DGKB: variants seen among roughly 807,000 people sequenced by gnomAD.
The protein encoded by DGKB is 90 kDa diacylglycerol kinase.
Under a neutral mutation model 114.3 loss-of-function variants are expected in DGKB, and 67 were observed. The ratio of observed to expected loss-of-function variants is 0.59; its 90% confidence interval spans 0.48 to 0.72. The LOEUF is 0.72. DGKB is among the 30% of genes least tolerant of loss of function. The pLI is 0.00. For missense variants in DGKB, 907 were observed against 975.2 expected (o/e 0.93, Z 0.93); for synonymous variants, 398 against 323.1 (o/e 1.23, Z -2.49).
intron 20 of DGKB, among the ~76,000 whole-genome samples, chr7:14,512,294 T>C (rs1181552703): frequency 6.6e-6 from 1 of 152,168 alleles, no homozygotes; most frequent in Non-Finnish European, 1.5e-5. Flanking sequence ...ATCCACGTTA[T>C]TTTTACCTTC....
intron 17 of DGKB, among the ~76,000 whole-genome samples, chr7:14,587,577 C>T (rs1243196032): frequency 6.6e-6 from 1 of 152,098 alleles, no homozygotes; most frequent in African/African-American, 2.4e-5. Flanking sequence ...CAAACAGCAT[C>T]ACATGCTAGA....
chr7:14,850,940 C>G (rs966689602), intron 1 of DGKB, among the ~76,000 whole-genome samples: 1 of 152,142 alleles, frequency 6.6e-6, no homozygotes, highest in African/African-American at 2.4e-5. Context: ...TCTATCTGAG[C>G]CTCACTTTCC....
At chr7:14,227,355 G>A (rs1790966259) in intron 23 of DGKB, among the ~76,000 whole-genome samples, 1 of 152,042 alleles carries the variant, frequency 6.6e-6, no homozygotes, top group Non-Finnish European at 1.5e-5. Context: ...AATGACTATA[G>A]TGGCTAATGT....
intron 20 of DGKB, among the ~76,000 whole-genome samples, chr7:14,532,261 CA>C (rs2128596014): frequency 7.0e-6 from 1 of 143,174 alleles, no homozygotes; most frequent in South Asian, 2.2e-4. Flanking sequence ...AAAAAAAAGA[CA>C]AAATGGTAGA....
chr7:14,954,757 A>G (rs933991296), intron 1 of DGKB, among the ~76,000 whole-genome samples: 1 of 152,116 alleles, frequency 6.6e-6, no homozygotes, highest in Admixed American at 6.6e-5. Context: ...GTGATAAAAT[A>G]TATAAAATTG....
At chr7:14,678,240 C>T (rs778601915) in intron 12 of DGKB, among the ~76,000 whole-genome samples, 7 of 151,960 alleles carry the variant, frequency 4.6e-5, no homozygotes, top group Non-Finnish European at 1.0e-4. Context: ...GCAACAGGAG[C>T]GGGCCACAGT....
intron 23 of DGKB, among the ~76,000 whole-genome samples, chr7:14,323,726 T>A (rs1808232624): frequency 6.6e-6 from 1 of 152,140 alleles, no homozygotes; most frequent in South Asian, 2.1e-4. Context: ...TGGGCTTGAG[T>A]AGAGTGAGAA....
intron 23 of DGKB, among the ~76,000 whole-genome samples, chr7:14,276,398 A>T (rs1317361462): frequency 2.0e-5 from 3 of 152,228 alleles, no homozygotes; most frequent in African/African-American, 7.2e-5. Context: ...ATATGAATTA[A>T]ATCAATTACA....
Position 14,741,471 on chromosome 7 carries a change from C to T in DGKB, c.169-5277G>A, listed in dbSNP as rs142768491. Among the ~76,000 whole-genome samples the T allele has an allele frequency of 2.6e-5, 4 of 152,318 alleles. No homozygotes were observed. The East Asian group carries it at 7.7e-4, about 29-fold the overall frequency. ...TAAGGACCTAGGACCCCATAGCCCA[C>T]TATTCAAGTCAGCCTGGCAAACTGC... On this transcript the variant is annotated intron_variant, in intron 4 of 25. Transcript: ENST00000402815.
intron 2 of DGKB, among the ~76,000 whole-genome samples, chr7:14,821,775 C>T (rs542374603): frequency 2.6e-5 from 4 of 152,252 alleles, no homozygotes; most frequent in African/African-American, 9.6e-5. Context: ...TTATTGGCCT[C>T]TCTGTGTGGA....
At chr7:14,936,687 G>A (rs889581311) in intron 1 of DGKB, among the ~76,000 whole-genome samples, 4 of 151,998 alleles carry the variant, frequency 2.6e-5, no homozygotes, top group Admixed American at 2.0e-4. Flanking sequence ...CTCCACCCCC[G>A]CCTTCTTTTG....
chr7:14,632,026 G>T (rs1365553963), intron 13 of DGKB, among the ~76,000 whole-genome samples: 1 of 151,850 alleles, frequency 6.6e-6, no homozygotes, highest in Non-Finnish European at 1.5e-5. Flanking sequence ...TGCTTACCAT[G>T]CATACATTTG....
chr7:14,190,379 C>T (rs1339808587), intron 23 of DGKB, among the ~76,000 whole-genome samples: 1 of 151,934 alleles, frequency 6.6e-6, no homozygotes, highest in Admixed American at 6.6e-5. Context: ...CCATGGGACA[C>T]AATAAAACCA....
upstream of DGKB, chr7:14,903,027 C>G (rs1783372607): frequency 6.6e-6 from 1 of 152,182 alleles, no homozygotes. Context: ...GCGTCCACCC[C>G]CAGTCCTCCA....
At chr7:14,851,384 TTC>T (rs551492092) in intron 1 of DGKB, among the ~76,000 whole-genome samples, 174 of 152,332 alleles carry the variant, frequency 1.1e-3, no homozygotes, top group African/African-American at 4.1e-3. Context: ...GAATTTTCTA[TTC>T]TCTTTCTTTT....
chr7:14,841,187 T>C lies in DGKB; in HGVS notation c.70+7A>G, dbSNP rs778740246. 1.9e-6 allele frequency: 3 copies of C among 1,607,158 alleles called. No homozygotes were observed. The highest frequency in any genetic ancestry group is 2.6e-6 in the Non-Finnish European group (3 of 1,174,988). Reference sequence around the variant, plus strand: ...AATAATCTCATAATATCAATATGAATACTTACACTCAGCATATTTCTGAAG... The same window carrying C: ...AATAATCTCATAATATCAATATGAACACTTACACTCAGCATATTTCTGAAG... On this transcript the variant is annotated splice_region_variant and intron_variant, in intron 2 of 25. Coordinates refer to ENST00000402815, the MANE Select transcript of DGKB (RefSeq NM_001350709.2).
At chr7:14,729,122 T>C (rs1564031863) in intron 5 of DGKB, among the ~76,000 whole-genome samples, 1 of 132,444 alleles carries the variant, frequency 7.6e-6, no homozygotes, top group African/African-American at 3.3e-5. Context: ...TCATTTTCTT[T>C]CTTTTTTTTT....
chr7:14,507,721 C>T (rs10279274), intron 20 of DGKB, among the ~76,000 whole-genome samples: 56 of 152,248 alleles, frequency 3.7e-4, no homozygotes, highest in African/African-American at 1.3e-3. Context: ...ATTCTATGTA[C>T]TATCTATCGA....
At chr7:14,860,841 T>C (rs1331373566) in intron 1 of DGKB, among the ~76,000 whole-genome samples, 1 of 151,866 alleles carries the variant, frequency 6.6e-6, no homozygotes, top group East Asian at 1.9e-4. Flanking sequence ...TAAATATGGA[T>C]GCATACCTAG....
Sources: allele counts gnomAD v4.1 joint callset (sites outside exome capture counted in the v4.1 genomes callset), GRCh38; gene constraint gnomAD v4.1.1; transcripts MANE v1.5; gene names NCBI Gene and HGNC (gene_info 2026-07-23, HGNC 2026-07-21).